The following APBA2 variants were observed in gnomAD, a reference collection of about 807,000 sequenced individuals.
APBA2 encodes amyloid-beta A4 precursor protein-binding family A member 2.
APBA2 carries 30 observed loss-of-function variants against 75.0 expected under a neutral mutation model. The observed-to-expected ratio is 0.40, with a 90% confidence interval of 0.30 to 0.54. The LOEUF (loss-of-function observed/expected upper bound fraction) is 0.54. APBA2 is among the 20% of genes least tolerant of loss of function. The pLI, the probability that APBA2 is intolerant of heterozygous loss-of-function variation, is 0.49. For synonymous variants in APBA2, 444 were observed against 409.6 expected (o/e 1.08, Z -1.01); for missense variants, 801 against 1,016.1 (o/e 0.79, Z 2.88).
At chr15:29,020,141 T>C (rs1025505397) in intron 3 of APBA2, among the ~76,000 whole-genome samples, 8 of 152,348 alleles carry the variant, frequency 5.3e-5, no homozygotes, top group African/African-American at 1.4e-4. Flanking sequence ...CTTATTGATA[T>C]CTAGGAAGGT....
intron 4 of APBA2, among the ~76,000 whole-genome samples, chr15:29,056,636 CCT>C (rs147310000): frequency 0.15 from 14,664 of 95,718 alleles, 1,673 homozygotes; most frequent in African/African-American, 0.29. Context: ...CTCCCTCCCT[CCT>C]CTCTCTCTCT....
chr15:28,944,368 C>T (rs911038916), intron 2 of APBA2, among the ~76,000 whole-genome samples: 2 of 152,180 alleles, frequency 1.3e-5, no homozygotes, highest in African/African-American at 2.4e-5. Flanking sequence ...GATTTACCTC[C>T]GTGTCACTGT....
chr15:28,904,585 C>G (rs1359745620), intron 1 of APBA2, among the ~76,000 whole-genome samples: 8 of 152,186 alleles, frequency 5.3e-5, no homozygotes, highest in African/African-American at 1.9e-4. Flanking sequence ...GTTGCCCTCC[C>G]CTCTTCCTTC....
chr15:28,915,033 CATACCATGCCTACCTCA>C (rs2033602699), intron 1 of APBA2, among the ~76,000 whole-genome samples: 1 of 148,674 alleles, frequency 6.7e-6, no homozygotes, highest in African/African-American at 2.5e-5. Context: ...ACACCACACA[CATACCATGCCTACCTCA>C]CACACACCAC....
intron 9 of APBA2, among the ~76,000 whole-genome samples, chr15:29,100,109 G>A (rs2044044860): frequency 6.6e-6 from 1 of 152,240 alleles, no homozygotes; most frequent in South Asian, 2.1e-4. Context: ...GAGAGCAGAT[G>A]CGGCCATGTT....
rs57696263 is a variant in APBA2, at chr15:29,048,761, A to C, written c.-40-5084A>C. Among the ~76,000 whole-genome samples, 920 of 151,700 alleles carry C rather than the reference A, an allele frequency of 6.1e-3. 9 individuals carry two copies. The highest frequency in any genetic ancestry group is 0.021 in the African/African-American group (866 of 41,374). On this transcript the variant is annotated intron_variant, in intron 3 of 14. Coordinates refer to ENST00000683413, the MANE Select transcript of APBA2 (RefSeq NM_001353788.2). ...CCATCCTGGCCAACATGGTGAAACC[A>C]CATCTCTACTAAAAAAAAAATACAA...
intron 3 of APBA2, among the ~76,000 whole-genome samples, chr15:29,029,618 G>A (rs1014052074): frequency 6.6e-6 from 1 of 152,116 alleles, no homozygotes; most frequent in South Asian, 2.1e-4. Flanking sequence ...TAGGTATGAT[G>A]AGAGAGTAGC....
chr15:28,975,605 T>C (rs2037293549), intron 2 of APBA2, among the ~76,000 whole-genome samples: 1 of 151,710 alleles, frequency 6.6e-6, no homozygotes, highest in Non-Finnish European at 1.5e-5. Context: ...TGATTCAAAA[T>C]CCAAAAGCAA....
intron 2 of APBA2, among the ~76,000 whole-genome samples, chr15:28,931,265 A>G (rs1413880255): frequency 6.6e-6 from 1 of 152,152 alleles, no homozygotes; most frequent in Non-Finnish European, 1.5e-5. Context: ...AGCTTACATG[A>G]ACATCTCATC....
chr15:29,043,155 C>G (rs1207923335), intron 3 of APBA2, among the ~76,000 whole-genome samples: 2 of 152,230 alleles, frequency 1.3e-5, no homozygotes, highest in East Asian at 3.9e-4. Flanking sequence ...ATGCTGCTTT[C>G]AGGCGTGGAC....
intron 1 of APBA2, among the ~76,000 whole-genome samples, chr15:28,892,773 T>C (rs2032223191): frequency 6.6e-6 from 1 of 152,188 alleles, no homozygotes; most frequent in South Asian, 2.1e-4. Context: ...AAATATGAAT[T>C]CCTCCGAACT....
At chr15:29,103,532 C>CGGCGTGGAGTGACGGGGA (rs2044236841) in intron 10 of APBA2, among the ~76,000 whole-genome samples, 1 of 152,362 alleles carries the variant, frequency 6.6e-6, no homozygotes, top group South Asian at 2.1e-4. Context: ...AGCCGGTACC[C>CGGCGTGGAGTGACGGGGA]GGCGTGGAGT....
intron 8 of APBA2, 50 bp downstream of exon 8, chr15:29,094,363 G>A (rs368565438): frequency 2.1e-5 from 33 of 1,597,896 alleles, no homozygotes; most frequent in African/African-American, 4.0e-5. Flanking sequence ...TTGTGTTTCC[G>A]TGGCTTGTCC....
chr15:28,908,592 A>G (rs2033264165), intron 1 of APBA2, among the ~76,000 whole-genome samples: 1 of 152,052 alleles, frequency 6.6e-6, no homozygotes, highest in South Asian at 2.1e-4. Flanking sequence ...TACAGGCGTG[A>G]GCCACTGCAC....
chr15:29,114,789 A>AGT (rs67521715), intron 14 of APBA2, among the ~76,000 whole-genome samples: 2 of 141,074 alleles, frequency 1.4e-5, no homozygotes, highest in South Asian at 4.4e-4. Context: ...CGTGTGGAGG[A>AGT]GTGTGTGTGT....
At chr15:29,053,267 T>G (rs2041694025) in intron 3 of APBA2, among the ~76,000 whole-genome samples, 2 of 152,158 alleles carry the variant, frequency 1.3e-5, no homozygotes, top group South Asian at 2.1e-4. Context: ...TGTAGAGCTT[T>G]TCTGCACATT....
Position 28,886,563 on chromosome 15 carries a change from G to C in APBA2, c.-205+285G>C, listed in dbSNP as rs533048682. Among the ~76,000 whole-genome samples, 908 of 151,710 alleles carry C rather than the reference G, an allele frequency of 6.0e-3. 6 individuals are homozygous for C. The highest frequency in any genetic ancestry group is 0.021 in the African/African-American group (858 of 41,266). On this transcript the variant is annotated intron_variant, in intron 1 of 14. Coordinates refer to ENST00000683413, the MANE Select transcript of APBA2 (RefSeq NM_001353788.2). Reference sequence around the variant, plus strand: ...GCGGCTCTCGCATCCCGCGCGGGGGGCACCGCGGCAAGGGGCCACCCGGCG... The same window carrying C: ...GCGGCTCTCGCATCCCGCGCGGGGGCCACCGCGGCAAGGGGCCACCCGGCG...
intron 12 of APBA2, 35 bp downstream of exon 12, chr15:29,106,854 C>A: frequency 6.3e-7 from 1 of 1,584,876 alleles, no homozygotes; most frequent in Non-Finnish European, 8.7e-7. Flanking sequence ...CAGGGGTCAC[C>A]TCAACCCTGC....
intron 2 of APBA2, among the ~76,000 whole-genome samples, chr15:28,948,365 G>T (rs1209518631): frequency 1.4e-5 from 2 of 147,578 alleles, no homozygotes; most frequent in Non-Finnish European, 1.5e-5. Flanking sequence ...CCACTGGTGA[G>T]TTCTGATTAT....
Sources: gnomAD v4.1 joint callset for allele counts (sites outside exome capture counted in the v4.1 genomes callset) on GRCh38, gnomAD v4.1.1 for gene constraint, MANE v1.5 for transcripts, NCBI Gene and HGNC (gene_info 2026-07-23, HGNC 2026-07-21) for gene names.